Variants in CPS1 observed in about 807,000 individuals in gnomAD.
CPS1 encodes the protein carbamoyl-phosphate synthase 1, also known as carbamoyl-phosphate synthase [ammonia], mitochondrial.
In CPS1, 109 loss-of-function variants were observed where a neutral mutation model predicts 174.6. The observed-to-expected ratio is 0.62, with a 90% CI of 0.53 to 0.73. CPS1 has a LOEUF of 0.73. CPS1 is among the 30% of genes least tolerant of loss of function. The pLI, the probability that CPS1 is intolerant of heterozygous loss-of-function variation, is 0.00. For missense variants in CPS1, 1,689 were observed against 1,821.9 expected, an observed-to-expected ratio of 0.93 and a Z score of 1.33; for synonymous variants, 637 against 632.0, an observed-to-expected ratio of 1.01 and a Z score of -0.12.
In CPS1 at chr2:210,576,146, G is replaced by C. The variant is rs950244017; in HGVS notation, c.237-200G>C. On this transcript the variant is annotated intron_variant, in intron 2 of 37. Coordinates refer to ENST00000233072, the MANE Select transcript of CPS1 (RefSeq NM_001875.5). Reference sequence around the variant, plus strand: ...AATATACCTTGGTACTCACGAGTTGGTTTTTCTTTATATCAATGACATCGT... The same window carrying C: ...AATATACCTTGGTACTCACGAGTTGCTTTTTCTTTATATCAATGACATCGT... Among the ~76,000 whole-genome samples the C allele has an allele frequency of 2.6e-5, 4 of 151,988 alleles. No homozygotes were observed. In the South Asian group the frequency reaches 8.3e-4, roughly 31 times the overall value.
chr2:210,658,662 T>G lies in CPS1; in HGVS notation c.3730T>G (p.Phe1244Val), dbSNP rs1700805586. Residue 1244 changes from phenylalanine (F) to valine (V), a missense_variant, in exon 31 of 38, where the codon TTT becomes GTT. Physicochemically the swap from Phe to Val is conservative, Grantham distance 50. Transcript: ENST00000233072. The part of the protein sequence containing the change: ...FAISGPFNVQ[F>V]LVKGNDVLVI... Reference sequence around the variant, plus strand: ...CATCTCTGGTCCATTCAACGTCCAATTTCTTGTCAAAGGAAATGATGTCTT... The same window carrying G: ...CATCTCTGGTCCATTCAACGTCCAAGTTCTTGTCAAAGGAAATGATGTCTT... 9 of 1,614,014 alleles carry G rather than the reference T, an allele frequency of 5.6e-6. No individual in the cohort carries two copies. The highest frequency in any genetic ancestry group is 7.6e-6 in the Non-Finnish European group (9 of 1,179,886).
At position 210,590,124 on chromosome 2, in the gene CPS1, T is replaced by C. The variant is rs1698241536; in HGVS notation, c.730T>C (p.Leu244=). The change falls in exon 8 of 38, where the codon TTA becomes CTA. Residue 244 remains leucine (L), a synonymous_variant. Coordinates refer to ENST00000233072, the MANE Select transcript of CPS1 (RefSeq NM_001875.5). ...TTTCCAGCGAGGAGCTGAAGTGCACTTAGTTCCCTGGAACCATGATTTCAC... is the reference window on the plus strand; with the variant it reads ...TTTCCAGCGAGGAGCTGAAGTGCACCTAGTTCCCTGGAACCATGATTTCAC... The part of the protein sequence containing the change: ...LLVKRGAEVH[L]VPWNHDFTKM... 7.4e-6 allele frequency: 12 copies of C among 1,612,846 alleles called. No homozygotes were observed. Among genetic ancestry groups the C allele is most frequent in the Non-Finnish European group, 1.0e-5 (12 of 1,179,126 alleles).
chr2:210,590,345 G>A lies in CPS1; in HGVS notation c.840+111G>A, dbSNP rs939151260. 2.3e-5 allele frequency: 34 copies of A among 1,501,134 alleles called. No individual in the cohort carries two copies. In the East Asian group the frequency reaches 7.5e-4, roughly 33 times the overall value. The allele number at this position is 1,501,134 out of a possible 1,614,324, so 93.0% of individuals were successfully genotyped here. A position where few individuals can be genotyped will look rare whatever the true frequency, so the allele number is the denominator to read the frequency against. On this transcript the variant is annotated intron_variant, in intron 8 of 37. Coordinates refer to ENST00000233072, the MANE Select transcript of CPS1 (RefSeq NM_001875.5). Reference sequence around the variant, plus strand: ...TTTATTCAGGCATTTTTCAATGCTGGTATTTGTGACTTCTGAGGCAGTGTC... The same window carrying A: ...TTTATTCAGGCATTTTTCAATGCTGATATTTGTGACTTCTGAGGCAGTGTC...
intron 5 of CPS1, among the ~76,000 whole-genome samples, chr2:210,581,346 C>A (rs890896234): frequency 6.6e-6 from 1 of 152,230 alleles, no homozygotes; most frequent in African/African-American, 2.4e-5. Context: ...CTCCTTTTAT[C>A]ATAGGCAGTT....
chr2:210,616,157 C>G (rs374500338), intron 20 of CPS1, among the ~76,000 whole-genome samples: 1 of 151,860 alleles, frequency 6.6e-6, no homozygotes, highest in Non-Finnish European at 1.5e-5. Context: ...TAAAGAGGAG[C>G]GAGTCAAAAC....
chr2:210,662,893 T>C, intron 32 of CPS1, among the ~76,000 whole-genome samples: 1 of 152,206 alleles, frequency 6.6e-6, no homozygotes. Flanking sequence ...ACAGAATTAA[T>C]TTGTGATTAT....
intron 11 of CPS1, 64 bp downstream of exon 11, chr2:210,593,020 A>G (rs1355070822): frequency 7.2e-7 from 1 of 1,394,320 alleles, no homozygotes; most frequent in East Asian, 2.3e-5. Flanking sequence ...TGGAAATTCG[A>G]GAAACCAAAA....
Position 210,606,713 on chromosome 2 carries a change from T to A in CPS1, c.1982-18T>A. The A allele has an allele frequency of 6.2e-7, 1 of 1,606,818 alleles. No homozygotes were observed. Among genetic ancestry groups the A allele is most frequent in the Non-Finnish European group, 8.5e-7 (1 of 1,174,042 alleles). On this transcript the variant is annotated intron_variant, in intron 17 of 37. Transcript: ENST00000233072. ...TTTCAATATGCCACCAAGTAATGAG[T>A]GCTTCTTGGATATATAGGTGACTCA... is the stretch of plus-strand genomic sequence containing the variant.
At chr2:210,511,004 C>T (rs1223206876) in intron 1 of CPS1, among the ~76,000 whole-genome samples, 2 of 152,118 alleles carry the variant, frequency 1.3e-5, no homozygotes, top group African/African-American at 2.4e-5. Context: ...CTAGAAATAT[C>T]GTTTGACCCA....
chr2:210,564,470 G>A (rs1054820921), intron 1 of CPS1, among the ~76,000 whole-genome samples: 1 of 151,956 alleles, frequency 6.6e-6, no homozygotes, highest in Non-Finnish European at 1.5e-5. Flanking sequence ...CCGCCTCCGG[G>A]GTTCACGCCA....
At chr2:210,552,305 T>C (rs1696753126), upstream of CPS1, among the ~76,000 whole-genome samples, 1 of 151,896 alleles carries the variant, frequency 6.6e-6, no homozygotes, top group Admixed American at 6.6e-5. Context: ...TTTTCATGAC[T>C]CCTAAGCATC....
chr2:210,661,778 T>G (rs1416582530), intron 32 of CPS1, among the ~76,000 whole-genome samples: 1 of 152,124 alleles, frequency 6.6e-6, no homozygotes, highest in Non-Finnish European at 1.5e-5. Context: ...TTTTTTCCAC[T>G]GGAGATTCTA....
chr2:210,544,654 T>A (rs780331695), intron 1 of CPS1, among the ~76,000 whole-genome samples: 4 of 152,002 alleles, frequency 2.6e-5, no homozygotes, highest in Non-Finnish European at 4.4e-5. Context: ...CTCGTACTAG[T>A]TTGAGAGGGT....
At chr2:210,620,601 C>G (rs1481553097) in intron 21 of CPS1, among the ~76,000 whole-genome samples, 1 of 152,066 alleles carries the variant, frequency 6.6e-6, no homozygotes, top group African/African-American at 2.4e-5. Flanking sequence ...ATCTTACAAT[C>G]ATGGCGGAAG....
chr2:210,604,616 A>C (rs533569380), intron 16 of CPS1, among the ~76,000 whole-genome samples: 1 of 152,044 alleles, frequency 6.6e-6, no homozygotes, highest in African/African-American at 2.4e-5. Context: ...CTAACCGTTT[A>C]CAACCATCAT....
At chr2:210,595,422 C>T in intron 12 of CPS1, 65 bp from the exon 13 acceptor site, 4 of 1,153,200 alleles carry the variant, frequency 3.5e-6, no homozygotes, top group Non-Finnish European at 5.3e-6. Context: ...CTTCTCCAAT[C>T]TTGAAAATGC....
At chr2:210,643,608 A>C (rs994324012) in intron 25 of CPS1, among the ~76,000 whole-genome samples, 1 of 152,130 alleles carries the variant, frequency 6.6e-6, no homozygotes, top group African/African-American at 2.4e-5. Flanking sequence ...TGAAGTTAAC[A>C]TAGAGTTTAT....
At chr2:210,617,338 T>C (rs1559109461) in intron 21 of CPS1, among the ~76,000 whole-genome samples, 1 of 152,004 alleles carries the variant, frequency 6.6e-6, no homozygotes, top group South Asian at 2.1e-4. Flanking sequence ...TGAAATACAC[T>C]ACTATTGGAA....
intron 18 of CPS1, 69 bp downstream of exon 18, chr2:210,607,010 G>T: frequency 1.4e-6 from 2 of 1,379,922 alleles, no homozygotes; most frequent in Non-Finnish European, 2.0e-6. Context: ...TTGACAGATA[G>T]TGGAAGACTG....
Sources: allele counts gnomAD v4.1 joint callset (sites outside exome capture counted in the v4.1 genomes callset), GRCh38; gene constraint gnomAD v4.1.1; transcripts MANE v1.5; gene names NCBI Gene and HGNC (gene_info 2026-07-23, HGNC 2026-07-21).